FGF1: variants seen among roughly 807,000 people sequenced by gnomAD.
FGF1 encodes fibroblast growth factor 1, also known as beta-endothelial cell growth factor.
In FGF1, 9 loss-of-function variants were observed where a neutral mutation model predicts 13.4. That is an observed-to-expected ratio of 0.67 (90% CI 0.40 to 1.17). The LOEUF (loss-of-function observed/expected upper bound fraction) is 1.17, where lower values mean the gene tolerates loss of function less well. Ranked by LOEUF, FGF1 falls within the 50% of genes most tolerant of loss-of-function variation. The pLI, the probability that FGF1 is intolerant of heterozygous loss-of-function variation, is 0.01. For missense variants in FGF1, 156 were observed against 192.7 expected (o/e 0.81, Z 1.13); for synonymous variants, 93 against 79.0 (o/e 1.18, Z -0.94).
chr5:142,601,139 A>C (rs943924683), intron 2 of FGF1: 1 of 522,518 alleles, frequency 1.9e-6, no homozygotes, highest in African/African-American at 1.9e-5. Context: ...AAATAATCAC[A>C]GGAGGAAATG....
intron 1 of FGF1, among the ~76,000 whole-genome samples, chr5:142,626,194 T>C (rs906179843): frequency 2.0e-5 from 3 of 152,200 alleles, no homozygotes; most frequent in African/African-American, 7.2e-5. Context: ...AGGAAATGAA[T>C]AGAATAGTAT....
At position 142,595,183 on chromosome 5, in the gene FGF1, TG is replaced by T; in HGVS notation, c.*106del. 1 of 876,084 alleles carries T rather than the reference TG, an allele frequency of 1.1e-6. No individual in the cohort carries two copies. The highest frequency in any genetic ancestry group is 1.7e-5 in the South Asian group (1 of 58,848). 54.3% of individuals were successfully genotyped at this position (876,084 alleles called of 1,614,324 possible). A position where few individuals can be genotyped will look rare whatever the true frequency, so the allele number is the denominator to read the frequency against. On this transcript the variant is annotated 3_prime_UTR_variant, in exon 4 of 4. Transcript: ENST00000337706. The stretch of plus-strand genomic sequence containing the variant: ...AAGTTGCTTACAAATTCAGGCTCTG[TG>T]GGCTGGGGGTTAGCGCAGCCAATGG...
chr5:142,681,633 C>T (rs1425739748), intron 1 of FGF1, among the ~76,000 whole-genome samples: 1 of 152,186 alleles, frequency 6.6e-6, no homozygotes, highest in Non-Finnish European at 1.5e-5. Context: ...ATTCCTATCA[C>T]CAAGCTCCAT....
rs2152045854 is a variant in FGF1, at chr5:142,679,079, G to T, written c.-35+6878C>A. Reference sequence around the variant, plus strand: ...AGCCCATCGTTCCCTTCGTTGAAATGAGAGACTGCCCTACATAGGATCACT... The same window carrying T: ...AGCCCATCGTTCCCTTCGTTGAAATTAGAGACTGCCCTACATAGGATCACT... On this transcript the variant is annotated intron_variant, in intron 1 of 3. Coordinates refer to ENST00000337706, the MANE Select transcript of FGF1 (RefSeq NM_000800.5). Among the ~76,000 whole-genome samples, 3 of 152,278 alleles carry T rather than the reference G, an allele frequency of 2.0e-5. No homozygotes were observed. In the South Asian group the frequency reaches 6.2e-4, roughly 32 times the overall value.
upstream of FGF1, among the ~76,000 whole-genome samples, chr5:142,687,593 G>A (rs1023026545): frequency 2.0e-5 from 3 of 152,128 alleles, no homozygotes; most frequent in African/African-American, 7.2e-5. Flanking sequence ...TTTCCAAAGG[G>A]CCTTCTGAAT....
Position 142,664,467 on chromosome 5 carries a change from G to A in FGF1, c.-35+21490C>T, listed in dbSNP as rs533942708. Reference sequence around the variant, plus strand: ...GGACGAATTAGATCGTGGAGGCAACGCTCCTAGCATGGTATGGCGCTTGTA... The same window carrying A: ...GGACGAATTAGATCGTGGAGGCAACACTCCTAGCATGGTATGGCGCTTGTA... On this transcript the variant is annotated intron_variant, in intron 1 of 3. Coordinates refer to ENST00000337706, the MANE Select transcript of FGF1 (RefSeq NM_000800.5). Among the ~76,000 whole-genome samples, 42 of 152,326 alleles carry A rather than the reference G, an allele frequency of 2.8e-4. 1 individual carries two copies. Among genetic ancestry groups the A allele is most frequent in the African/African-American group, 9.6e-4 (40 of 41,576 alleles).
chr5:142,647,813 T>C (rs908100491), intron 1 of FGF1, among the ~76,000 whole-genome samples: 2 of 152,066 alleles, frequency 1.3e-5, no homozygotes, highest in African/African-American at 4.8e-5. Flanking sequence ...GCACGGTGGG[T>C]GGGATCAAGC....
At chr5:142,641,092 C>T (rs1361745971) in intron 1 of FGF1, among the ~76,000 whole-genome samples, 2 of 152,092 alleles carry the variant, frequency 1.3e-5, no homozygotes, top group Admixed American at 1.3e-4. Context: ...AGATCCCACA[C>T]TTAGGTGGTT....
At chr5:142,629,478 T>A (rs1441802419) in intron 1 of FGF1, among the ~76,000 whole-genome samples, 1 of 152,198 alleles carries the variant, frequency 6.6e-6, no homozygotes, top group Non-Finnish European at 1.5e-5. Context: ...AAATTTTCAT[T>A]AACACATAAC....
chr5:142,669,076 G>T (rs147432395), intron 1 of FGF1, among the ~76,000 whole-genome samples: 4 of 152,358 alleles, frequency 2.6e-5, no homozygotes, highest in Admixed American at 2.6e-4. Flanking sequence ...GCCGCTGAGC[G>T]GGGGGTTTTC....
intron 1 of FGF1, among the ~76,000 whole-genome samples, chr5:142,668,981 G>C (rs878868553): frequency 6.6e-6 from 1 of 152,246 alleles, no homozygotes; most frequent in African/African-American, 2.4e-5. Context: ...TTTTACATAT[G>C]TGGGCATGGA....
chr5:142,608,760 CAT>C (rs1463578367), intron 2 of FGF1, among the ~76,000 whole-genome samples: 2 of 140,110 alleles, frequency 1.4e-5, no homozygotes, highest in Middle Eastern at 3.6e-3. Flanking sequence ...TATATATACA[CAT>C]ATATATCATA....
At chr5:142,602,815 G>A (rs1344349749) in intron 2 of FGF1, among the ~76,000 whole-genome samples, 2 of 152,014 alleles carry the variant, frequency 1.3e-5, no homozygotes, top group African/African-American at 2.4e-5. Context: ...GTTCCATTAT[G>A]TAGCTATACC....
intron 2 of FGF1, among the ~76,000 whole-genome samples, chr5:142,692,826 A>ACAAG (rs1386521255): frequency 7.3e-6 from 1 of 137,068 alleles, no homozygotes; most frequent in Non-Finnish European, 1.5e-5. Context: ...TTTGGCAAAA[A>ACAAG]CAAACAAACA....
intron 1 of FGF1, among the ~76,000 whole-genome samples, chr5:142,680,222 A>G (rs1173812999): frequency 6.6e-6 from 1 of 152,202 alleles, no homozygotes. Flanking sequence ...TTGGGGGTGG[A>G]CACAACTCAA....
intron 2 of FGF1, among the ~76,000 whole-genome samples, chr5:142,696,285 T>C (rs1753097598): frequency 6.6e-6 from 1 of 152,176 alleles, no homozygotes; most frequent in Non-Finnish European, 1.5e-5. Flanking sequence ...TCTAGACCAT[T>C]GCAAAAAAGC....
At chr5:142,598,152 G>C (rs1755697227) in intron 3 of FGF1, among the ~76,000 whole-genome samples, 1 of 152,180 alleles carries the variant, frequency 6.6e-6, no homozygotes, top group African/African-American at 2.4e-5. Flanking sequence ...ACCTATGTGG[G>C]TTGCCCACTC....
chr5:142,660,239 C>T (rs1252287547), intron 1 of FGF1, among the ~76,000 whole-genome samples: 2 of 152,358 alleles, frequency 1.3e-5, no homozygotes, highest in East Asian at 1.9e-4. Context: ...TGTCTTTAGC[C>T]GCCCTCCCTG....
At chr5:142,642,221 C>T (rs1360469204) in intron 1 of FGF1, among the ~76,000 whole-genome samples, 1 of 152,162 alleles carries the variant, frequency 6.6e-6, no homozygotes, top group Non-Finnish European at 1.5e-5. Context: ...ACCTTACCTC[C>T]AGGACCAGGA....
Sources: allele counts gnomAD v4.1 joint callset (sites outside exome capture counted in the v4.1 genomes callset), GRCh38; gene constraint gnomAD v4.1.1; transcripts MANE v1.5; gene names NCBI Gene and HGNC (gene_info 2026-07-23, HGNC 2026-07-21).